The following SAMD3 variants were observed in gnomAD, a reference collection of about 807,000 sequenced individuals.
The protein encoded by SAMD3 is sterile alpha motif domain containing 3.
SAMD3 carries 63 observed loss-of-function variants against 58.5 expected under a neutral mutation model. The observed-to-expected ratio is 1.08, with a 90% CI of 0.88 to 1.33. SAMD3 has a LOEUF of 1.33. SAMD3 is among the 40% of genes most tolerant of loss of function. SAMD3 has a pLI of 0.00. For synonymous variants in SAMD3, 220 were observed against 210.3 expected, an observed-to-expected ratio of 1.05 and a Z score of -0.40; for missense variants, 604 against 608.4, an observed-to-expected ratio of 0.99 and a Z score of 0.08.
intron 9 of SAMD3, among the ~76,000 whole-genome samples, chr6:130,148,057 G>T (rs139095032): frequency 1.1e-3 from 163 of 152,276 alleles, no homozygotes; most frequent in African/African-American, 3.8e-3. Context: ...TTTATGAGGA[G>T]ATACCTTGAG....
chr6:130,209,705 C>T, intron 4 of SAMD3, 97 bp from the exon 5 acceptor site: 1 of 711,918 alleles, frequency 1.4e-6, no homozygotes, highest in South Asian at 1.9e-5. Context: ...GAGTAAACAT[C>T]ATGGTCTGTG....
In SAMD3 at chr6:130,329,217, T is replaced by C. The variant is rs549139637; in HGVS notation, c.-303-16124A>G. 9.7e-4 allele frequency among the ~76,000 whole-genome samples: 147 copies of C among 151,664 alleles called. 1 individual carries two copies. The highest frequency in any genetic ancestry group is 3.3e-3 in the African/African-American group (137 of 41,236). Reference sequence around the variant, plus strand: ...GGTGGCTACCATCATTACCACTGCCTTTTTTATAGTAGCTAAATATAGATT... The same window carrying C: ...GGTGGCTACCATCATTACCACTGCCCTTTTTATAGTAGCTAAATATAGATT... On this transcript the variant is annotated intron_variant, in intron 1 of 13. Transcript: ENST00000368134.
intron 8 of SAMD3, chr6:130,162,356 G>T (rs191972554): frequency 1.5e-6 from 1 of 687,638 alleles, no homozygotes; most frequent in East Asian, 2.7e-5. Flanking sequence ...TAGTAAGACG[G>T]CATGGTTAAA....
At chr6:130,319,707 T>C (rs1776518450) in intron 1 of SAMD3, among the ~76,000 whole-genome samples, 1 of 152,114 alleles carries the variant, frequency 6.6e-6, no homozygotes, top group Non-Finnish European at 1.5e-5. Context: ...AATTAAGAAA[T>C]GGCATGTAGA....
At chr6:130,303,420 T>A (rs974427652) in intron 2 of SAMD3, among the ~76,000 whole-genome samples, 1 of 152,204 alleles carries the variant, frequency 6.6e-6, no homozygotes, top group Non-Finnish European at 1.5e-5. Flanking sequence ...AGGTACTTAA[T>A]AGGCAACTTA....
At chr6:130,181,585 G>T (rs998308601) in intron 7 of SAMD3, among the ~76,000 whole-genome samples, 1 of 152,134 alleles carries the variant, frequency 6.6e-6, no homozygotes, top group East Asian at 1.9e-4. Flanking sequence ...AGCAAAGAAA[G>T]CATTATTTGT....
At chr6:130,261,069 T>G (rs930695629) in intron 2 of SAMD3, among the ~76,000 whole-genome samples, 6 of 151,954 alleles carry the variant, frequency 3.9e-5, no homozygotes, top group Admixed American at 2.0e-4. Flanking sequence ...ACCCACAGCA[T>G]GCCTTTATTG....
At chr6:130,155,080 T>C (rs1582735433) in intron 8 of SAMD3, 55 bp from the exon 9 acceptor site, 1 of 1,443,362 alleles carries the variant, frequency 6.9e-7, no homozygotes, top group African/African-American at 1.4e-5. Flanking sequence ...AAAACTTGAA[T>C]TTCAGGCTGT....
chr6:130,164,759 A>G (rs1158142829), intron 8 of SAMD3, among the ~76,000 whole-genome samples: 2 of 152,018 alleles, frequency 1.3e-5, no homozygotes, highest in Non-Finnish European at 2.9e-5. Context: ...GAAAATGAGG[A>G]ATTGTATACT....
chr6:130,252,074 C>G (rs1039173800), intron 2 of SAMD3, among the ~76,000 whole-genome samples: 1 of 151,870 alleles, frequency 6.6e-6, no homozygotes, highest in African/African-American at 2.4e-5. Flanking sequence ...GTGTTTTGGG[C>G]TCTGTTGTTT....
chr6:130,198,975 C>G (rs1794399292), intron 5 of SAMD3, among the ~76,000 whole-genome samples: 1 of 152,108 alleles, frequency 6.6e-6, no homozygotes, highest in Non-Finnish European at 1.5e-5. Flanking sequence ...ACAAATTGTA[C>G]CTTTCTCCAA....
chr6:130,144,835 T>TA (rs1562359982), intron 11 of SAMD3, 31 bp from the exon 12 acceptor site: 1 of 1,569,472 alleles, frequency 6.4e-7, no homozygotes, highest in African/African-American at 1.4e-5. Flanking sequence ...ATTACCATGA[T>TA]ACGTAAAATA....
At position 130,243,543 on chromosome 6, in the gene SAMD3, T is replaced by C. The variant is rs140686431; in HGVS notation, c.-187-20730A>G. Among the ~76,000 whole-genome samples, 922 of 152,236 alleles carry C rather than the reference T, an allele frequency of 6.1e-3. 11 individuals are homozygous for C. The highest frequency in any genetic ancestry group is 0.021 in the African/African-American group (873 of 41,468). On this transcript the variant is annotated intron_variant, in intron 2 of 13. Transcript: ENST00000368134. ...CCTTACAAGATAAGTAGCATTTCCA[T>C]TTTTTCAGGTTAAGAAACAGGCTTA...
At chr6:130,290,486 A>C (rs954933569) in intron 2 of SAMD3, among the ~76,000 whole-genome samples, 2 of 152,218 alleles carry the variant, frequency 1.3e-5, no homozygotes, top group African/African-American at 4.8e-5. Flanking sequence ...TCGTATATAA[A>C]AACACCTTCA....
At chr6:130,339,057 G>GT (rs1212946436) in intron 1 of SAMD3, among the ~76,000 whole-genome samples, 2 of 151,930 alleles carry the variant, frequency 1.3e-5, no homozygotes, top group Admixed American at 6.6e-5. Flanking sequence ...GTTTTGTTTT[G>GT]TTTTTTTGAG....
chr6:130,214,506 C>T lies in SAMD3; in HGVS notation c.100G>A (p.Ala34Thr), dbSNP rs193004422. 4.7e-5 allele frequency: 75 copies of T among 1,594,624 alleles called. No individual in the cohort carries two copies. The East Asian group carries it at 6.3e-4, about 13-fold the overall frequency. Residue 34 changes from alanine to threonine, a missense_variant, in exon 4 of 12, where the codon GCT (alanine) becomes ACT (threonine). Ala to Thr is a moderately conservative substitution (Grantham distance 58). Coordinates refer to ENST00000439090, the MANE Select transcript of SAMD3 (RefSeq NM_001017373.4). ...RFQEEEVSGA[A>T]LLALNDRMVQ... ...ATCCGATCATTAAGTGCAAGAAGAG[C>T]GGCCCCACTTACTTCTTCCTCTGGG...
intron 2 of SAMD3, among the ~76,000 whole-genome samples, chr6:130,296,602 G>A (rs1306547320): frequency 6.6e-6 from 1 of 152,200 alleles, no homozygotes; most frequent in African/African-American, 2.4e-5. Flanking sequence ...TTTTGTGGTG[G>A]CTTCACCCTC....
intron 5 of SAMD3, among the ~76,000 whole-genome samples, chr6:130,201,074 A>G (rs1162908531): frequency 6.6e-6 from 1 of 152,154 alleles, no homozygotes; most frequent in Non-Finnish European, 1.5e-5. Context: ...TGTTGATTTT[A>G]TATTTAAATA....
intron 7 of SAMD3, among the ~76,000 whole-genome samples, chr6:130,182,043 C>T (rs907204231): frequency 4.2e-5 from 6 of 141,712 alleles, no homozygotes; most frequent in South Asian, 4.5e-4. Context: ...CCAGCCTGGG[C>T]GACAGAGCAA....
Sources: gnomAD v4.1 joint callset for allele counts (sites outside exome capture counted in the v4.1 genomes callset) on GRCh38, gnomAD v4.1.1 for gene constraint, MANE v1.5 for transcripts, NCBI Gene and HGNC (gene_info 2026-07-23, HGNC 2026-07-21) for gene names.